Variants in EIF4E1B observed in about 807,000 individuals in gnomAD.
EIF4E1B encodes the protein eukaryotic translation initiation factor 4E family member 1B.
Under a neutral mutation model 31.3 loss-of-function variants are expected in EIF4E1B, and 22 were observed. The ratio of observed to expected loss-of-function variants is 0.70; its 90% CI spans 0.50 to 1.00. The LOEUF is 1.00. EIF4E1B is among the 50% of genes least tolerant of loss of function. The pLI is 0.00. For synonymous variants in EIF4E1B, 126 were observed against 120.2 expected (o/e 1.05, Z -0.31); for missense variants, 290 against 311.6 (o/e 0.93, Z 0.52).
intron 1 of EIF4E1B, among the ~76,000 whole-genome samples, chr5:176,636,486 G>A (rs964543702): frequency 6.6e-6 from 1 of 152,268 alleles, no homozygotes; most frequent in African/African-American, 2.4e-5. Context: ...GATCCTCGTT[G>A]GAGCAGCTGG....
At chr5:176,640,571 G>T (rs538944799) in intron 1 of EIF4E1B, among the ~76,000 whole-genome samples, 4 of 151,940 alleles carry the variant, frequency 2.6e-5, no homozygotes, top group African/African-American at 4.8e-5. Flanking sequence ...CTTCTCTGCC[G>T]CCCCCTCTGT....
chr5:176,636,316 A>G (rs990839806), intron 1 of EIF4E1B, among the ~76,000 whole-genome samples: 2 of 152,208 alleles, frequency 1.3e-5, no homozygotes, highest in Non-Finnish European at 2.9e-5. Flanking sequence ...GCCACCTGCG[A>G]GCCTCAGGAA....
chr5:176,636,782 C>A (rs774754835), intron 1 of EIF4E1B, among the ~76,000 whole-genome samples: 21 of 152,352 alleles, frequency 1.4e-4, no homozygotes, highest in African/African-American at 5.1e-4. Flanking sequence ...CATTTTCATT[C>A]CCATTTTACA....
intron 1 of EIF4E1B, among the ~76,000 whole-genome samples, chr5:176,636,986 A>G (rs1380463549): frequency 6.6e-6 from 1 of 152,236 alleles, no homozygotes; most frequent in African/African-American, 2.4e-5. Context: ...ACAACTAGAA[A>G]CCACAAAAGA....
At position 176,646,115 on chromosome 5, in the gene EIF4E1B, T is replaced by A. The variant is rs1366266694; in HGVS notation, c.*135T>A. 1 of 749,014 alleles carries A rather than the reference T, an allele frequency of 1.3e-6. No individual in the cohort carries two copies. The highest frequency in any genetic ancestry group is 2.2e-6 in the Non-Finnish European group (1 of 453,130). The allele number at this position is 749,014 out of a possible 1,614,324, so 46.4% of individuals were successfully genotyped here. On this transcript the variant is annotated 3_prime_UTR_variant, in exon 9 of 9. Transcript: ENST00000318682. ...CAAGTGAACAGGAATGCAAACACTC[T>A]TTAACATGAGTTGGGGCCTGAGCCT...
rs772555913 is a variant in EIF4E1B at position 176,642,852 on chromosome 5, C to CTCCCCG, written c.15+50_15+51insTCCCCG. 9.5e-6 allele frequency: 9 copies of CTCCCCG among 949,380 alleles called. No individual in the cohort carries two copies. The African/African-American group carries it at 3.9e-4, about 41-fold the overall frequency. 58.8% of individuals were successfully genotyped at this position (949,380 alleles called of 1,614,324 possible). A position where few individuals can be genotyped will look rare whatever the true frequency, so the allele number is the denominator to read the frequency against. On this transcript the variant is annotated intron_variant, in intron 3 of 8. Transcript: ENST00000318682. ...CCAGTGCACCATGGCCCCGCCCTCT[C>CTCCCCG]CCCCCCCCCCCCCGCCCCAGGTGGG... is the stretch of plus-strand genomic sequence containing the variant.
chr5:176,645,600 G>T lies in EIF4E1B; in HGVS notation c.614+84G>T, dbSNP rs1760684093. 4 of 1,440,722 alleles carry T rather than the reference G, an allele frequency of 2.8e-6. No homozygotes were observed. The highest frequency in any genetic ancestry group is 3.7e-6 in the Non-Finnish European group (4 of 1,094,886). The allele number at this position is 1,440,722 out of a possible 1,614,324, so 89.2% of individuals were successfully genotyped here. ...TGGAGGGGGCTTGGCCTGCATGGGA[G>T]ACCTCTGAAAGTCTCCATAGCCTCC... On this transcript the variant is annotated intron_variant, in intron 8 of 8. Transcript: ENST00000318682. The surrounding 1 kb of genome is among the most constrained non-coding windows in gnomAD (Gnocchi z 5.4).
chr5:176,640,563 T>C (rs886246661), intron 1 of EIF4E1B, among the ~76,000 whole-genome samples: 1 of 152,140 alleles, frequency 6.6e-6, no homozygotes, highest in Non-Finnish European at 1.5e-5. Context: ...CTCTCCATCT[T>C]CTCTGCCGCC....
At chr5:176,643,889 C>A in intron 5 of EIF4E1B, 155 bp downstream of exon 5, 1 of 698,016 alleles carries the variant, frequency 1.4e-6, no homozygotes, top group African/African-American at 1.8e-5. Context: ...ACAACCACCC[C>A]CCACCCCACC....
intron 3 of EIF4E1B, 68 bp downstream of exon 3, chr5:176,642,870 C>CCCCCCCGG: frequency 3.5e-6 from 5 of 1,426,040 alleles, no homozygotes; most frequent in South Asian, 1.3e-5. Flanking sequence ...CCCCCCGCCC[C>CCCCCCCGG]AGGTGGGCGG....
Position 176,645,393 on chromosome 5 carries a change from G to T in EIF4E1B, c.491G>T (p.Gly164Val), listed in dbSNP as rs763370432. 2 of 1,529,826 alleles carry T rather than the reference G, an allele frequency of 1.3e-6. No homozygotes were observed. Among genetic ancestry groups the T allele is most frequent in the South Asian group, 2.6e-5 (2 of 77,838 alleles). The allele number at this position is 1,529,826 out of a possible 1,614,324, so 94.8% of individuals were successfully genotyped here. The change falls in exon 8 of 9, where the codon GGG (glycine) becomes GTG (valine). Residue 164 changes from glycine to valine, a missense_variant. Transcript: ENST00000318682. This position sits in a 1 kb window ranked among gnomAD's most constrained non-coding sequence, Gnocchi z 5.4. ...LWLETLLCLI[G>V]ESFEEHSREV... ...CGGGTCCAGCTGCTGTGTCTGATCG[G>T]GGAGAGCTTTGAGGAACACAGCAGA... is the stretch of plus-strand genomic sequence containing the variant.
chr5:176,645,065 T>G lies in EIF4E1B; in HGVS notation c.361-65T>G. 2 of 1,412,046 alleles carry G rather than the reference T, an allele frequency of 1.4e-6. No individual in the cohort carries two copies. Among genetic ancestry groups the G allele is most frequent in the Non-Finnish European group, 1.9e-6 (2 of 1,029,878 alleles). The allele number at this position is 1,412,046 out of a possible 1,614,324, so 87.5% of individuals were successfully genotyped here. ...CAGCAGAGAGCGGATAAGGCCGGGA[T>G]GGTGGGTGGGTCCCCATTTCCCTTT... On this transcript the variant is annotated intron_variant, in intron 6 of 8. Transcript: ENST00000318682. This position sits in a 1 kb window ranked among gnomAD's most constrained non-coding sequence, Gnocchi z 5.4.
intron 1 of EIF4E1B, among the ~76,000 whole-genome samples, chr5:176,635,808 T>TTTTC (rs927291623): frequency 1.3e-5 from 2 of 151,754 alleles, no homozygotes; most frequent in East Asian, 1.9e-4. Flanking sequence ...TTGTCTGTCT[T>TTTTC]TTTCTTTCTT....
At chr5:176,643,396 T>A in intron 4 of EIF4E1B, 130 bp downstream of exon 4, 1 of 1,237,012 alleles carries the variant, frequency 8.1e-7, no homozygotes, top group Non-Finnish European at 1.1e-6. Flanking sequence ...AGGGCTGACC[T>A]AAGCCTTGGG....
intron 3 of EIF4E1B, 36 bp downstream of exon 3, chr5:176,642,838 T>A: frequency 6.9e-7 from 1 of 1,440,608 alleles, no homozygotes; most frequent in South Asian, 1.3e-5. Context: ...CAGTGCACCA[T>A]GGCCCCGCCC....
In EIF4E1B at chr5:176,643,192, G is replaced by C. The variant is rs899559206; in HGVS notation, c.126G>C (p.Leu42Phe). ...GEKSPNSPRT[L>F]LSLRGKARTG... ...AGTCTCCAAACTCTCCCAGGACTTT[G>C]CTGTCTCTGAGAGGGAAGGCCCGGA... The change falls in exon 4 of 9, where the codon TTG becomes TTC. Residue 42 changes from leucine (L) to phenylalanine (F), a missense_variant. By Grantham distance (22) the Leu-to-Phe change is conservative. Transcript: ENST00000318682. The C allele has an allele frequency of 6.2e-7, 1 of 1,613,640 alleles. No homozygotes were observed. The highest frequency in any genetic ancestry group is 1.7e-5 in the Admixed American group (1 of 60,012).
At chr5:176,643,790 C>A in intron 5 of EIF4E1B, 56 bp downstream of exon 5, 1 of 1,550,080 alleles carries the variant, frequency 6.5e-7, no homozygotes, top group South Asian at 1.2e-5. Context: ...TCTGGGCTCC[C>A]TCTCTCCGGG....
intron 1 of EIF4E1B, among the ~76,000 whole-genome samples, chr5:176,631,980 G>A (rs78369144): frequency 6.6e-6 from 1 of 152,178 alleles, no homozygotes; most frequent in African/African-American, 2.4e-5. Flanking sequence ...CCACACTATG[G>A]TTGGCAAAGA....
chr5:176,633,046 G>A (rs1760432683), intron 1 of EIF4E1B, among the ~76,000 whole-genome samples: 1 of 152,180 alleles, frequency 6.6e-6, no homozygotes, highest in Admixed American at 6.5e-5. Flanking sequence ...CACTGTGGGA[G>A]TGTCCAACAC....
Sources: gnomAD v4.1 joint callset for allele counts (sites outside exome capture counted in the v4.1 genomes callset) on GRCh38, gnomAD v4.1.1 for gene constraint, Gnocchi (gnomAD v3.1) non-coding constraint, MANE v1.5 for transcripts, NCBI Gene and HGNC (gene_info 2026-07-23, HGNC 2026-07-21) for gene names.